The following TTC3 variants were observed in gnomAD, a reference collection of about 807,000 sequenced individuals.
The protein encoded by TTC3 is tetratricopeptide repeat domain 3.
Under a neutral mutation model 249.6 loss-of-function variants are expected in TTC3, and 180 were observed. The observed-to-expected ratio is 0.72, with a 90% CI of 0.64 to 0.82. TTC3 has a LOEUF of 0.82. Ranked by LOEUF, TTC3 falls within the 40% of genes least tolerant of loss-of-function variation. The probability of loss-of-function intolerance (pLI) is 0.00; values close to 1 mark genes in which losing one functional copy is unlikely to be tolerated. For synonymous variants in TTC3, 717 were observed against 805.0 expected (o/e 0.89, Z 1.85); for missense variants, 2,061 against 2,398.4 (o/e 0.86, Z 2.94).
In TTC3 at chr21:37,201,869, C is replaced by T. The variant is rs1402256400; in HGVS notation, c.*295C>T. ...CTTTTGGAAAGTACTATGAACGTCT[C>T]GAAGCAGTATTCTAGTGATAAGAAT... On this transcript the variant is annotated 3_prime_UTR_variant, in exon 46 of 46. Coordinates refer to ENST00000355666, the Ensembl canonical transcript of TTC3. 9 of 360,460 alleles carry T rather than the reference C, an allele frequency of 2.5e-5. No homozygotes were observed. The East Asian group carries it at 5.9e-4, about 24-fold the overall frequency. The allele number at this position is 360,460 out of a possible 1,614,324, so 22.3% of individuals were successfully genotyped here.
rs374788404 is a variant in TTC3 at position 37,123,038 on chromosome 21, T to C, written c.1109+10T>C. On this transcript the variant is annotated intron_variant, in intron 13 of 45. Coordinates refer to ENST00000355666, the Ensembl canonical transcript of TTC3. ...CCTTTTATGAAAACAGGTAAGTTAA[T>C]AGCAGGTCAGTAGCTGCTACTACTA... The C allele has an allele frequency of 2.5e-6, 4 of 1,613,716 alleles. No individual in the cohort carries two copies. In the African/African-American group the frequency reaches 5.3e-5, roughly 22 times the overall value.
At chr21:37,165,927 A>G (rs776921450) in exon 33 of TTC3, 1 of 1,614,064 alleles carries the variant, frequency 6.2e-7, no homozygotes, top group East Asian at 2.2e-5. Context: ...GTGAAACCCA[A>G]ACCTGTGTCT....
chr21:37,165,754 A>G (rs769565857), exon 33 of TTC3: 22 of 1,613,478 alleles, frequency 1.4e-5, no homozygotes, highest in Non-Finnish European at 1.9e-5. Flanking sequence ...GGCTCAAGAA[A>G]AAAAGGAAGA....
At chr21:37,125,466 A>G (rs2076974969) in intron 14 of TTC3, among the ~76,000 whole-genome samples, 1 of 152,114 alleles carries the variant, frequency 6.6e-6, no homozygotes, top group African/African-American at 2.4e-5. Context: ...TCTTTTCTTC[A>G]TAAGGATGGT....
chr21:37,152,357 C>T (rs75954815), intron 26 of TTC3, among the ~76,000 whole-genome samples: 4,150 of 149,520 alleles, frequency 0.028, 81 homozygotes, highest in Middle Eastern at 0.046. Context: ...AGGAAGTGGC[C>T]GTATTTTAGG....
In TTC3 at chr21:37,082,959, T is replaced by C. The variant is rs968953322; in HGVS notation, c.-11-4288T>C. The C allele has an allele frequency of 4.0e-5, 39 of 984,238 alleles. No homozygotes were observed. The African/African-American group carries it at 5.9e-4, about 15-fold the overall frequency. The allele number at this position is 984,238 out of a possible 1,614,324, so 61.0% of individuals were successfully genotyped here. ...AGATTTGAGTTATCCTAAAGAAAAGTATTAAGTAAATAGCAGTACAGATGG... is the reference window on the plus strand; with the variant it reads ...AGATTTGAGTTATCCTAAAGAAAAGCATTAAGTAAATAGCAGTACAGATGG... On this transcript the variant is annotated intron_variant, in intron 1 of 45. Transcript: ENST00000355666.
intron 16 of TTC3, among the ~76,000 whole-genome samples, chr21:37,130,366 CAG>C (rs139424031): frequency 0.026 from 3,905 of 152,190 alleles, 147 homozygotes; most frequent in African/African-American, 0.087. Flanking sequence ...TTTTTAAATG[CAG>C]AGTTGTAATT....
At chr21:37,073,828 A>G (rs1162574077) in intron 1 of TTC3, among the ~76,000 whole-genome samples, 1 of 151,706 alleles carries the variant, frequency 6.6e-6, no homozygotes, top group Non-Finnish European at 1.5e-5. Flanking sequence ...CCTTTGTGTT[A>G]CTGCCCCTGT....
Position 37,134,842 on chromosome 21 carries a change from T to C in TTC3, c.1444-538T>C, listed in dbSNP as rs1397134369. Among the ~76,000 whole-genome samples the C allele has an allele frequency of 3.9e-5, 6 of 152,358 alleles. No homozygotes were observed. The East Asian group carries it at 1.2e-3, about 29-fold the overall frequency. On this transcript the variant is annotated intron_variant, in intron 17 of 45. Coordinates refer to ENST00000355666, the Ensembl canonical transcript of TTC3. ...TTTGCATTTAACCTATTGTTATCTC[T>C]CCCAGTAATTTTATCTACTTATATT...
At chr21:37,078,763 C>G (rs1166418640) in intron 1 of TTC3, among the ~76,000 whole-genome samples, 1 of 151,934 alleles carries the variant, frequency 6.6e-6, no homozygotes, top group Non-Finnish European at 1.5e-5. Context: ...TTTAGTTCTT[C>G]TAGTTATTTT....
chr21:37,075,189 C>T (rs8133549), intron 1 of TTC3, among the ~76,000 whole-genome samples: 65,938 of 142,898 alleles, frequency 0.46, 15,538 homozygotes, highest in Non-Finnish European at 0.52. Context: ...TGCTCAGCAT[C>T]ATATTTTGAG....
chr21:37,185,702 A>G lies in TTC3; in HGVS notation c.4758-4A>G. On this transcript the variant is annotated splice_polypyrimidine_tract_variant and splice_region_variant and intron_variant, in intron 36 of 45. Transcript: ENST00000355666. ...ATTAATATTTGGTGATTATGCTTTT[A>G]TAGGTATACCCAGAAAAATGATGGA... The G allele has an allele frequency of 6.5e-7, 1 of 1,533,180 alleles. No homozygotes were observed. The highest frequency in any genetic ancestry group is 2.1e-5 in the Admixed American group (1 of 47,692). 95.0% of individuals were successfully genotyped at this position (1,533,180 alleles called of 1,614,324 possible). A position where few individuals can be genotyped will look rare whatever the true frequency, so the allele number is the denominator to read the frequency against.
At chr21:37,090,052 G>A (rs978953681) in intron 5 of TTC3, among the ~76,000 whole-genome samples, 181 bp from the exon 6 acceptor site, 1 of 152,056 alleles carries the variant, frequency 6.6e-6, no homozygotes, top group African/African-American at 2.4e-5. Context: ...CCCTATTGGA[G>A]ACTATTTTGG....
chr21:37,112,036 C>A (rs565937297), intron 11 of TTC3, among the ~76,000 whole-genome samples: 29 of 151,970 alleles, frequency 1.9e-4, no homozygotes, highest in African/African-American at 6.5e-4. Context: ...ATCTCTGGGA[C>A]ACATTCAAAG....
In TTC3 at chr21:37,109,549, A is replaced by G. The variant is rs2075423683; in HGVS notation, c.900+1103A>G. On this transcript the variant is annotated intron_variant, in intron 11 of 45. Transcript: ENST00000355666. The stretch of plus-strand genomic sequence containing the variant: ...GCCATTGCTCAGGCTTGAGTAGGTA[A>G]ACAAAGCAGCCCAGAAGCTCGAACT... Among the ~76,000 whole-genome samples the G allele has an allele frequency of 3.3e-5, 5 of 152,240 alleles. No individual in the cohort carries two copies. The South Asian group carries it at 1.0e-3, about 32-fold the overall frequency.
chr21:37,104,887 C>T (rs956050728), intron 10 of TTC3, among the ~76,000 whole-genome samples: 1 of 152,158 alleles, frequency 6.6e-6, no homozygotes, highest in African/African-American at 2.4e-5. Context: ...CTAGGAACTC[C>T]CCAGATGGTA....
exon 9 of TTC3, chr21:37,095,362 A>G (rs1314966842): frequency 1.9e-6 from 3 of 1,605,394 alleles, no homozygotes; most frequent in African/African-American, 1.3e-5. Context: ...AGGAGAACTA[A>G]TGAAAATGAA....
intron 18 of TTC3, among the ~76,000 whole-genome samples, chr21:37,136,330 C>T (rs2077936010): frequency 6.6e-6 from 1 of 152,196 alleles, no homozygotes; most frequent in African/African-American, 2.4e-5. Context: ...AGGCAGAAAG[C>T]TAGTCCTCTT....
intron 44 of TTC3, among the ~76,000 whole-genome samples, chr21:37,199,339 G>C (rs73204075): frequency 6.6e-6 from 1 of 152,230 alleles, no homozygotes; most frequent in Non-Finnish European, 1.5e-5. Flanking sequence ...TGCCTTCAAG[G>C]CGCTCAGAGT....
Sources: gnomAD v4.1 joint callset for allele counts (sites outside exome capture counted in the v4.1 genomes callset) on GRCh38, gnomAD v4.1.1 for gene constraint, MANE v1.5 for transcripts, NCBI Gene and HGNC (gene_info 2026-07-23, HGNC 2026-07-21) for gene names.